The following LYPD6B variants were observed in gnomAD, a reference collection of about 807,000 sequenced individuals.
The protein encoded by LYPD6B is ly6/PLAUR domain-containing protein 6B.
Under a neutral mutation model 22.8 loss-of-function variants are expected in LYPD6B, and 17 were observed. That is an observed-to-expected ratio of 0.75 (90% CI 0.51 to 1.12). The LOEUF (loss-of-function observed/expected upper bound fraction) is 1.12. Among genes scored for constraint, LYPD6B ranks in the 50% most tolerant of loss-of-function variants. The pLI is 0.00. For synonymous variants in LYPD6B, 106 were observed against 91.6 expected, an observed-to-expected ratio of 1.16 and a Z score of -0.90; for missense variants, 221 against 258.3, an observed-to-expected ratio of 0.86 and a Z score of 0.99.
In LYPD6B at chr2:149,120,301, ATATATATATGTGTATATATATGTG is replaced by A. The variant is rs771869018; in HGVS notation, c.-66-10572_-66-10549del. ...TAGGGACATGCATGTATATACACAT[ATATATATATGTGTATATATATGTG>A]TATATATATATGTGTATATATATAT... On this transcript the variant is annotated intron_variant, in intron 1 of 6. Transcript: ENST00000409642. Among the ~76,000 whole-genome samples, 678 of 132,230 alleles carry A rather than the reference ATATATATATGTGTATATATATGTG, an allele frequency of 5.1e-3. 5 individuals carry two copies. Among genetic ancestry groups the A allele is most frequent in the Non-Finnish European group, 8.3e-3 (544 of 65,374 alleles). The allele number at this position is 132,230 out of a possible 152,430, so 86.7% of individuals were successfully genotyped here. A position where few individuals can be genotyped will look rare whatever the true frequency, so the allele number is the denominator to read the frequency against.
chr2:149,089,360 G>A (rs573175636), intron 1 of LYPD6B, among the ~76,000 whole-genome samples: 114 of 152,282 alleles, frequency 7.5e-4, no homozygotes, highest in Non-Finnish European at 1.5e-3. Context: ...TGGATGCAGT[G>A]GGAAGTGCTG....
chr2:149,087,529 G>A (rs972709230), intron 1 of LYPD6B, among the ~76,000 whole-genome samples: 3 of 151,950 alleles, frequency 2.0e-5, no homozygotes, highest in East Asian at 3.9e-4. Flanking sequence ...TTATGTCGCC[G>A]CACTCTAGCC....
chr2:149,063,456 G>T (rs1317977306), intron 1 of LYPD6B, among the ~76,000 whole-genome samples: 1 of 152,154 alleles, frequency 6.6e-6, no homozygotes, highest in South Asian at 2.1e-4. Flanking sequence ...TTAGCTGATT[G>T]ATGCTCCACT....
intron 1 of LYPD6B, among the ~76,000 whole-genome samples, chr2:149,095,705 G>A (rs1392158172): frequency 6.6e-6 from 1 of 152,018 alleles, no homozygotes; most frequent in Non-Finnish European, 1.5e-5. Context: ...CAGGTGTGAT[G>A]CAAGGGGGTG....
chr2:149,161,721 C>T (rs1690076129), intron 3 of LYPD6B, among the ~76,000 whole-genome samples: 1 of 152,142 alleles, frequency 6.6e-6, no homozygotes, highest in Non-Finnish European at 1.5e-5. Flanking sequence ...AGGAAACATG[C>T]AAAGGAAATT....
At chr2:149,068,981 C>T (rs1684468777) in intron 1 of LYPD6B, 1 of 190,574 alleles carries the variant, frequency 5.2e-6, no homozygotes, top group Non-Finnish European at 1.1e-5. Context: ...CACACTGTTC[C>T]AGATCACTTC....
intron 1 of LYPD6B, among the ~76,000 whole-genome samples, chr2:149,083,284 C>T (rs1031513661): frequency 5.9e-5 from 9 of 152,280 alleles, no homozygotes; most frequent in Admixed American, 2.6e-4. Context: ...TGAGATGCAT[C>T]GCCTGAGGAC....
At chr2:149,136,514 C>T (rs1688382045) in intron 2 of LYPD6B, among the ~76,000 whole-genome samples, 1 of 152,150 alleles carries the variant, frequency 6.6e-6, no homozygotes. Context: ...TTTTATGCCA[C>T]TGGATTTTAT....
intron 1 of LYPD6B, chr2:149,101,389 G>A (rs1171423808): frequency 6.6e-6 from 1 of 152,280 alleles, no homozygotes; most frequent in Non-Finnish European, 1.5e-5. Context: ...AAAGGAATTG[G>A]GGTGGGACAT....
At chr2:149,210,164 C>G (rs1403871955) in intron 5 of LYPD6B, among the ~76,000 whole-genome samples, 1 of 152,154 alleles carries the variant, frequency 6.6e-6, no homozygotes, top group Non-Finnish European at 1.5e-5. Flanking sequence ...GTACATAATG[C>G]TCCAACTTGT....
chr2:149,090,201 T>G (rs1685587034), intron 1 of LYPD6B, among the ~76,000 whole-genome samples: 1 of 152,238 alleles, frequency 6.6e-6, no homozygotes, highest in South Asian at 2.1e-4. Flanking sequence ...AAGAAAGACT[T>G]TGTATTTCAG....
At chr2:149,096,548 T>C (rs1226341735) in intron 1 of LYPD6B, among the ~76,000 whole-genome samples, 1 of 152,230 alleles carries the variant, frequency 6.6e-6, no homozygotes, top group African/African-American at 2.4e-5. Flanking sequence ...CATTACTTAA[T>C]ATTAATATGG....
intron 1 of LYPD6B, among the ~76,000 whole-genome samples, chr2:149,115,804 C>T (rs144428760): frequency 1.4e-3 from 219 of 152,314 alleles, no homozygotes; most frequent in African/African-American, 5.0e-3. Context: ...CGATTACCTA[C>T]GGTCAGCCTC....
rs903996994 is a variant in LYPD6B at position 149,067,432 on chromosome 2, A to C, written c.-67+28631A>C. On this transcript the variant is annotated intron_variant, in intron 1 of 6. Transcript: ENST00000409642. ...TTTCCATTATAAATTAATACATGCT[A>C]TGAGAGCTTCAGAAAACACAGAAAA... Among the ~76,000 whole-genome samples, 8 of 152,238 alleles carry C rather than the reference A, an allele frequency of 5.3e-5. No individual in the cohort carries two copies. In the South Asian group the frequency reaches 6.2e-4, roughly 12 times the overall value.
At chr2:149,077,773 A>T (rs2377513) in intron 1 of LYPD6B, among the ~76,000 whole-genome samples, 1 of 152,096 alleles carries the variant, frequency 6.6e-6, no homozygotes, top group African/African-American at 2.4e-5. Flanking sequence ...AGTGCTGGGC[A>T]TCTTTTTAAT....
chr2:149,208,256 A>C lies in LYPD6B; in HGVS notation c.230-58A>C, dbSNP rs966607134. 1.8e-5 allele frequency: 22 copies of C among 1,229,728 alleles called. No homozygotes were observed. The African/African-American group carries it at 3.1e-4, about 18-fold the overall frequency. The allele number at this position is 1,229,728 out of a possible 1,614,324, so 76.2% of individuals were successfully genotyped here. Reference sequence around the variant, plus strand: ...AGTTGCTCATTTTGTACCATGTTTGATGTTCGAAATTTTTGTCTTCTGTAG... The same window carrying C: ...AGTTGCTCATTTTGTACCATGTTTGCTGTTCGAAATTTTTGTCTTCTGTAG... On this transcript the variant is annotated intron_variant, in intron 4 of 6. Transcript: ENST00000409642.
intron 5 of LYPD6B, among the ~76,000 whole-genome samples, chr2:149,210,746 C>T (rs1286260820): frequency 3.7e-4 from 56 of 152,310 alleles, no homozygotes; most frequent in Non-Finnish European, 1.5e-5. Flanking sequence ...TGTATGAACA[C>T]ATGCAGCCAC....
rs531235369 is a variant in LYPD6B at position 149,207,543 on chromosome 2, A to G, written c.230-771A>G. On this transcript the variant is annotated intron_variant, in intron 4 of 6. Coordinates refer to ENST00000409642, the MANE Select transcript of LYPD6B (RefSeq NM_177964.5). ...CAAAAGAAAAAAAAAAGGCATAAAG[A>G]CAAGTTGCTCTCAGTCCAGACTACC... is the stretch of plus-strand genomic sequence containing the variant. 5.3e-5 allele frequency among the ~76,000 whole-genome samples: 8 copies of G among 152,246 alleles called. No individual in the cohort carries two copies. The East Asian group carries it at 1.3e-3, about 26-fold the overall frequency.
intron 3 of LYPD6B, chr2:149,187,710 G>A (rs946733184): frequency 7.7e-5 from 34 of 441,124 alleles, no homozygotes; most frequent in Admixed American, 4.1e-4. Context: ...CATAAAATAC[G>A]CTAACACTAA....
Sources: allele counts gnomAD v4.1 joint callset (sites outside exome capture counted in the v4.1 genomes callset), GRCh38; gene constraint gnomAD v4.1.1; transcripts MANE v1.5; gene names NCBI Gene and HGNC (gene_info 2026-07-23, HGNC 2026-07-21).